The following PDCD1LG2 variants were observed in gnomAD, a reference collection of about 807,000 sequenced individuals.
PDCD1LG2 encodes the protein B7 dendritic cell molecule.
PDCD1LG2 carries 32 observed loss-of-function variants against 28.2 expected under a neutral mutation model. That is an observed-to-expected ratio of 1.13 (90% CI 0.86 to 1.52). The LOEUF is 1.52. Ranked by LOEUF, PDCD1LG2 falls within the 40% of genes most tolerant of loss-of-function variation. The pLI is 0.00. For missense variants in PDCD1LG2, 385 were observed against 323.8 expected (o/e 1.19, Z -1.45); for synonymous variants, 116 against 120.2 (o/e 0.97, Z 0.23).
intron 1 of PDCD1LG2, among the ~76,000 whole-genome samples, chr9:5,516,111 G>A (rs1820156882): frequency 6.6e-6 from 1 of 151,830 alleles, no homozygotes; most frequent in African/African-American, 2.4e-5. Flanking sequence ...GAGTGCAGTG[G>A]CGCAATCTCG....
At chr9:5,525,729 C>T (rs977040242) in intron 2 of PDCD1LG2, among the ~76,000 whole-genome samples, 1 of 151,860 alleles carries the variant, frequency 6.6e-6, no homozygotes, top group Non-Finnish European at 1.5e-5. Context: ...TTAAGCATAC[C>T]TTATATATAG....
intron 3 of PDCD1LG2, among the ~76,000 whole-genome samples, chr9:5,536,462 A>G (rs1022771124): frequency 5.3e-5 from 8 of 152,210 alleles, no homozygotes; most frequent in African/African-American, 1.9e-4. Flanking sequence ...ACATCCAGGC[A>G]GCAGCTGGGA....
chr9:5,549,387 G>C lies in PDCD1LG2; in HGVS notation c.414G>C (p.Glu138Asp), dbSNP rs1197372941. The part of the protein sequence containing the change: ...THILKVPETD[E>D]VELTCQATGY... ...TCCTAAAGGTTCCAGAAACAGATGA[G>C]GTAGAGCTCACCTGCCAGGCTACAG... The change falls in exon 4 of 7, where the codon GAG (glutamate) becomes GAC (aspartate). Residue 138 changes from glutamate (E) to aspartate (D), a missense_variant. Transcript: ENST00000397747. The C allele has an allele frequency of 3.7e-6, 6 of 1,614,148 alleles. 1 individual carries two copies. The South Asian group carries it at 5.5e-5, about 15-fold the overall frequency.
chr9:5,535,635 A>AT (rs544940938), intron 3 of PDCD1LG2, among the ~76,000 whole-genome samples: 3 of 150,812 alleles, frequency 2.0e-5, no homozygotes, highest in Non-Finnish European at 3.0e-5. Flanking sequence ...CATGGTATAA[A>AT]TTTTTTTTTT....
intron 2 of PDCD1LG2, among the ~76,000 whole-genome samples, chr9:5,525,859 C>A (rs548527279): frequency 1.3e-5 from 2 of 151,756 alleles, no homozygotes; most frequent in Admixed American, 1.3e-4. Flanking sequence ...CCAGCCTGGC[C>A]CGCATGGTGA....
At chr9:5,555,846 G>A (rs533629647) in intron 4 of PDCD1LG2, among the ~76,000 whole-genome samples, 2 of 152,330 alleles carry the variant, frequency 1.3e-5, no homozygotes, top group South Asian at 4.1e-4. Context: ...CTTAACTATA[G>A]GGGAGGCTTG....
chr9:5,549,205 T>C, intron 3 of PDCD1LG2, 130 bp from the exon 4 acceptor site: 1 of 885,646 alleles, frequency 1.1e-6, no homozygotes, highest in African/African-American at 1.7e-5. Flanking sequence ...ATACAATGTG[T>C]TTACAAATGA....
At chr9:5,515,473 G>A (rs1044672009) in intron 1 of PDCD1LG2, among the ~76,000 whole-genome samples, 24 of 152,222 alleles carry the variant, frequency 1.6e-4, no homozygotes, top group African/African-American at 4.6e-4. Context: ...TGGAGGGTGA[G>A]CAAGGCGGAG....
intron 4 of PDCD1LG2, among the ~76,000 whole-genome samples, chr9:5,553,584 T>A (rs565474353): frequency 6.6e-6 from 1 of 152,288 alleles, no homozygotes; most frequent in East Asian, 1.9e-4. Flanking sequence ...ATGGTAGAGA[T>A]GTGAAAGGGC....
chr9:5,540,843 A>G (rs555004909), intron 3 of PDCD1LG2, among the ~76,000 whole-genome samples: 138 of 152,294 alleles, frequency 9.1e-4, no homozygotes, highest in Non-Finnish European at 1.6e-3. Context: ...GAAAGAGGGA[A>G]TCCTCCCTAA....
chr9:5,534,437 G>A (rs934377751), intron 2 of PDCD1LG2, among the ~76,000 whole-genome samples: 1 of 152,180 alleles, frequency 6.6e-6, no homozygotes, highest in Non-Finnish European at 1.5e-5. Context: ...AGGTGGGAGA[G>A]GCCTCTGAGA....
chr9:5,535,302 AG>A (rs1165047115), intron 3 of PDCD1LG2, among the ~76,000 whole-genome samples: 2 of 152,240 alleles, frequency 1.3e-5, no homozygotes, highest in Non-Finnish European at 2.9e-5. Flanking sequence ...CAGGAAAATT[AG>A]TCCCTGAAAT....
At chr9:5,566,240 C>T (rs146597908) in intron 6 of PDCD1LG2, among the ~76,000 whole-genome samples, 163 of 152,342 alleles carry the variant, frequency 1.1e-3, no homozygotes, top group African/African-American at 3.8e-3. Context: ...AATATTTTCC[C>T]TTCCAACTTA....
intron 4 of PDCD1LG2, among the ~76,000 whole-genome samples, chr9:5,553,083 G>C (rs533035124): frequency 1.3e-5 from 2 of 152,228 alleles, no homozygotes; most frequent in East Asian, 3.9e-4. Context: ...CTCCACTCCA[G>C]CCTGGGCAAC....
Position 5,557,759 on chromosome 9 carries a change from G to C in PDCD1LG2, c.766+7G>C, listed in dbSNP as rs776119181. ...AAGCTGTATTCTTCAAAAGGTAAGT[G>C]AGTTTTATTCATGGTAACCCAATGC... On this transcript the variant is annotated splice_region_variant and intron_variant, in intron 5 of 6. Transcript: ENST00000397747. 6.2e-7 allele frequency: 1 copy of C among 1,613,854 alleles called. No homozygotes were observed. The highest frequency in any genetic ancestry group is 8.5e-7 in the Non-Finnish European group (1 of 1,179,790).
At chr9:5,536,130 G>A (rs1456641694) in intron 3 of PDCD1LG2, among the ~76,000 whole-genome samples, 2 of 152,188 alleles carry the variant, frequency 1.3e-5, no homozygotes, top group Non-Finnish European at 1.5e-5. Context: ...ACAAACTAGA[G>A]GGACTGGACA....
Position 5,515,000 on chromosome 9 carries a change from A to T in PDCD1LG2, c.-15+4197A>T, listed in dbSNP as rs979330434. 2.0e-5 allele frequency among the ~76,000 whole-genome samples: 3 copies of T among 152,136 alleles called. No homozygotes were observed. In the East Asian group the frequency reaches 5.8e-4, roughly 29 times the overall value. On this transcript the variant is annotated intron_variant, in intron 1 of 6. Transcript: ENST00000397747. ...AAGTTAGTGAGAGGAGTGGTCATAT[A>T]GGAATTCATGGGATTTTTAGACCAA...
chr9:5,557,267 T>C (rs71498624), intron 4 of PDCD1LG2, among the ~76,000 whole-genome samples: 1 of 151,316 alleles, frequency 6.6e-6, no homozygotes, highest in African/African-American at 2.4e-5. Flanking sequence ...ATGGATGGAT[T>C]GATGGATGGA....
At chr9:5,535,604 G>T (rs184822240) in intron 3 of PDCD1LG2, among the ~76,000 whole-genome samples, 78 of 152,220 alleles carry the variant, frequency 5.1e-4, no homozygotes, top group African/African-American at 1.8e-3. Context: ...AGGGACGTGT[G>T]TGTGTGTGTG....
Sources: allele counts gnomAD v4.1 joint callset (sites outside exome capture counted in the v4.1 genomes callset), GRCh38; gene constraint gnomAD v4.1.1; transcripts MANE v1.5; gene names NCBI Gene and HGNC (gene_info 2026-07-23, HGNC 2026-07-21).